IARS2: variants seen among roughly 807,000 people sequenced by gnomAD.
The protein encoded by IARS2 is isoleucine--tRNA ligase, mitochondrial.
Under a neutral mutation model 126.3 loss-of-function variants are expected in IARS2, and 56 were observed. That is an observed-to-expected ratio of 0.44 (90% CI 0.36 to 0.55). The LOEUF is 0.55. Among genes scored for constraint, IARS2 ranks in the 20% least tolerant of loss-of-function variants. The pLI is 0.00. For missense variants in IARS2, 1,127 were observed against 1,245.9 expected (o/e 0.90, Z 1.44); for synonymous variants, 407 against 441.1 (o/e 0.92, Z 0.97).
chr1:220,137,938 G>A lies in IARS2; in HGVS notation c.2070G>A (p.Pro690=), dbSNP rs775353772. The change falls in exon 17 of 23, where the codon CCG becomes CCA. Residue 690 remains proline, a synonymous_variant. Coordinates refer to ENST00000366922, the MANE Select transcript of IARS2 (RefSeq NM_018060.4). ...AAAAGGATCAAAGCAAAGAGCCTCC[G>A]TATGGTGCTGATGTCCTTCGCTGGT... The part of the protein sequence containing the change: ...NGGQDQSKEP[P]YGADVLRWWV... 19 of 1,614,108 alleles carry A rather than the reference G, an allele frequency of 1.2e-5. No homozygotes were observed. The highest frequency in any genetic ancestry group is 5.0e-5 in the Admixed American group (3 of 60,006).
At chr1:220,131,451 A>G (rs959774842) in intron 14 of IARS2, among the ~76,000 whole-genome samples, 1 of 152,096 alleles carries the variant, frequency 6.6e-6, no homozygotes, top group Admixed American at 6.6e-5. Context: ...TCTCGGGTTC[A>G]AGCGATTCTC....
intron 22 of IARS2, among the ~76,000 whole-genome samples, 180 bp downstream of exon 22, chr1:220,145,833 C>A (rs1204386811): frequency 6.6e-6 from 1 of 152,166 alleles, no homozygotes; most frequent in Non-Finnish European, 1.5e-5. Context: ...ACTATCTTAC[C>A]TGATGATCTT....
intron 8 of IARS2, among the ~76,000 whole-genome samples, chr1:220,104,561 T>G (rs1182106618): frequency 6.6e-6 from 1 of 152,022 alleles, no homozygotes; most frequent in East Asian, 1.9e-4. Flanking sequence ...TTTTTAATTT[T>G]TTTGGTAGAG....
intron 19 of IARS2, 32 bp from the exon 20 acceptor site, chr1:220,141,771 T>C: frequency 6.2e-7 from 1 of 1,609,818 alleles, no homozygotes. Flanking sequence ...TATAAAGTAT[T>C]GTCAACTGCT....
At chr1:220,105,768 A>C in intron 8 of IARS2, 123 bp from the exon 9 acceptor site, 1 of 749,076 alleles carries the variant, frequency 1.3e-6, no homozygotes, top group Non-Finnish European at 2.2e-6. Flanking sequence ...GGGAAGCTGG[A>C]ATTTAAGCCT....
chr1:220,098,120 C>T (rs1225143448), intron 2 of IARS2, among the ~76,000 whole-genome samples: 1 of 152,064 alleles, frequency 6.6e-6, no homozygotes, highest in Admixed American at 6.6e-5. Flanking sequence ...ATCTCCTGAC[C>T]TCATGATCCA....
intron 2 of IARS2, among the ~76,000 whole-genome samples, chr1:220,097,371 T>TC (rs902219990): frequency 1.3e-5 from 2 of 150,554 alleles, no homozygotes; most frequent in Non-Finnish European, 3.0e-5. Context: ...TTTTCTTTTT[T>TC]TTTTTTTTTT....
rs965295444 is a variant in IARS2, at chr1:220,141,206, T to C, written c.2415-597T>C. ...GTTCAAAAAATCATCACTACTAATA[T>C]CAGACGATGAACATAATGCTTGTTC... is the stretch of plus-strand genomic sequence containing the variant. On this transcript the variant is annotated intron_variant, in intron 19 of 22. Transcript: ENST00000366922. Among the ~76,000 whole-genome samples the C allele has an allele frequency of 2.6e-5, 4 of 152,156 alleles. No homozygotes were observed. The East Asian group carries it at 7.7e-4, about 29-fold the overall frequency.
chr1:220,121,225 T>G (rs1346498380), intron 12 of IARS2, among the ~76,000 whole-genome samples: 2 of 152,190 alleles, frequency 1.3e-5, no homozygotes, highest in African/African-American at 4.8e-5. Context: ...CTCGTAAGTG[T>G]AATTAGGTAA....
intron 10 of IARS2, among the ~76,000 whole-genome samples, chr1:220,109,992 C>CT (rs1236587573): frequency 2.0e-5 from 3 of 151,930 alleles, no homozygotes; most frequent in East Asian, 1.9e-4. Flanking sequence ...ACAGTCCGTG[C>CT]TTTTTTTTGC....
chr1:220,126,676 C>A, intron 13 of IARS2, 74 bp from the exon 14 acceptor site: 1 of 1,060,060 alleles, frequency 9.4e-7, no homozygotes, highest in South Asian at 1.4e-5. Context: ...TTTCTGAAGA[C>A]TTTTGGGGTA....
At chr1:220,103,114 C>A (rs1440798815) in intron 7 of IARS2, among the ~76,000 whole-genome samples, 3 of 151,644 alleles carry the variant, frequency 2.0e-5, no homozygotes, top group Non-Finnish European at 4.4e-5. Context: ...GATCTTGGCT[C>A]ACCACAACCT....
chr1:220,114,327 A>T lies in IARS2; in HGVS notation c.1493A>T (p.Lys498Met), dbSNP rs1359089254. The T allele has an allele frequency of 6.2e-7, 1 of 1,613,710 alleles. No individual in the cohort carries two copies. The highest frequency in any genetic ancestry group is 1.7e-4 in the Middle Eastern group (1 of 6,060). ...AATTAATTGCAGGAATTGTTAAAAA[A>T]GGTGAAATTTATTCCTGGATCAGCA... The part of the protein sequence containing the change: ...IKTAAKELLK[K>M]VKFIPGSALN... Residue 498 changes from lysine (K) to methionine (M), a missense_variant, in exon 12 of 23, where the codon AAG becomes ATG. Physicochemically the swap from Lys to Met is moderately conservative, Grantham distance 95. Transcript: ENST00000366922.
intron 13 of IARS2, among the ~76,000 whole-genome samples, 172 bp downstream of exon 13, chr1:220,125,511 G>A (rs1360199305): frequency 1.3e-5 from 2 of 152,192 alleles, no homozygotes; most frequent in African/African-American, 2.4e-5. Context: ...CTATAGAAGT[G>A]TAGTATTTAA....
chr1:220,147,619 T>C lies in IARS2; in HGVS notation c.3023T>C (p.Val1008Ala), dbSNP rs770953463. 8 of 1,614,072 alleles carry C rather than the reference T, an allele frequency of 5.0e-6. No individual in the cohort carries two copies. Among genetic ancestry groups the C allele is most frequent in the Non-Finnish European group, 5.9e-6 (7 of 1,179,984 alleles). ...SDTLCPRCAE[V>A]VSGK is the part of the protein sequence containing the mutation. ...ACACTGTGTCCTCGATGTGCAGAAG[T>C]TGTCAGTGGAAAATAGTATTAACAG... is the stretch of plus-strand genomic sequence containing the variant. The change falls in exon 23 of 23, where the codon GTT (valine) becomes GCT (alanine). Residue 1008 changes from valine to alanine, a missense_variant. By Grantham distance (64) the Val-to-Ala change is moderately conservative. Transcript: ENST00000366922.
chr1:220,138,395 C>T lies in IARS2; in HGVS notation c.2175+352C>T, dbSNP rs146359268. 4.2e-3 allele frequency among the ~76,000 whole-genome samples: 637 copies of T among 152,198 alleles called. 5 individuals are homozygous for T. Among genetic ancestry groups the T allele is most frequent in the African/African-American group, 0.014 (598 of 41,516 alleles). On this transcript the variant is annotated intron_variant, in intron 17 of 22. Transcript: ENST00000366922. ...CTGAGGCAGGAGAATCACTTGAACGCAGGAGGCGGAGGTTGCAGTGAGCCG... is the reference window on the plus strand; with the variant it reads ...CTGAGGCAGGAGAATCACTTGAACGTAGGAGGCGGAGGTTGCAGTGAGCCG...
chr1:220,127,652 C>G (rs1657181432), intron 14 of IARS2, among the ~76,000 whole-genome samples: 1 of 152,062 alleles, frequency 6.6e-6, no homozygotes, highest in Non-Finnish European at 1.5e-5. Context: ...CCTGAGAGAC[C>G]CTGTTTGCTT....
intron 12 of IARS2, among the ~76,000 whole-genome samples, chr1:220,121,692 GC>G (rs1657054743): frequency 6.6e-6 from 1 of 152,112 alleles, no homozygotes; most frequent in Non-Finnish European, 1.5e-5. Flanking sequence ...TGATCCTCCT[GC>G]CTTGGCCTCC....
At chr1:220,131,043 C>G (rs1243155075) in intron 14 of IARS2, among the ~76,000 whole-genome samples, 2 of 152,112 alleles carry the variant, frequency 1.3e-5, no homozygotes, top group Non-Finnish European at 1.5e-5. Context: ...GTGCTTTTTG[C>G]TCAGTATTGC....
Sources: allele counts gnomAD v4.1 joint callset (sites outside exome capture counted in the v4.1 genomes callset), GRCh38; gene constraint gnomAD v4.1.1; transcripts MANE v1.5; gene names NCBI Gene and HGNC (gene_info 2026-07-23, HGNC 2026-07-21).